Variants in OCA2 observed in about 807,000 individuals in gnomAD.
OCA2 encodes OCA2 melanosomal transmembrane protein.
OCA2 carries 77 observed loss-of-function variants against 100.2 expected under a neutral mutation model. The ratio of observed to expected loss-of-function variants is 0.77; its 90% CI spans 0.64 to 0.93. OCA2 has a LOEUF of 0.93. Ranked by LOEUF, OCA2 falls within the 40% of genes least tolerant of loss-of-function variation. The pLI, the probability that OCA2 is intolerant of heterozygous loss-of-function variation, is 0.00. For synonymous variants in OCA2, 432 were observed against 439.2 expected (o/e 0.98, Z 0.21); for missense variants, 1,062 against 1,089.1 (o/e 0.98, Z 0.35).
intron 11 of OCA2, among the ~76,000 whole-genome samples, chr15:27,988,770 C>T (rs2141005358): frequency 6.6e-6 from 1 of 152,262 alleles, no homozygotes; most frequent in African/African-American, 2.4e-5. Context: ...CTGTATACGT[C>T]TCAGGCCCGA....
the OCA2 span, among the ~76,000 whole-genome samples, chr15:27,742,776 A>C: frequency 6.6e-6 from 1 of 152,192 alleles, no homozygotes; most frequent in South Asian, 2.1e-4. Flanking sequence ...GCGTTAGTCC[A>C]CACACAGCTT....
chr15:27,918,941 GGT>G (rs1286670660), intron 19 of OCA2, among the ~76,000 whole-genome samples: 2 of 152,102 alleles, frequency 1.3e-5, no homozygotes, highest in African/African-American at 4.8e-5. Context: ...TAATTGCCTA[GGT>G]TAGTACAGAT....
intron 18 of OCA2, among the ~76,000 whole-genome samples, chr15:27,935,361 C>T (rs1021425943): frequency 1.3e-5 from 2 of 152,180 alleles, no homozygotes; most frequent in Non-Finnish European, 2.9e-5. Context: ...TGGCTCTGTA[C>T]TTTCATTTGT....
chr15:28,016,447 ACAAAAGGC>A (rs1368607406), intron 7 of OCA2, among the ~76,000 whole-genome samples: 2 of 152,358 alleles, frequency 1.3e-5, no homozygotes, highest in Non-Finnish European at 2.9e-5. Flanking sequence ...GTACAAAAGT[ACAAAAGGC>A]ATAGAAGTAA....
intron 23 of OCA2, among the ~76,000 whole-genome samples, chr15:27,814,941 TAG>T (rs2034234509): frequency 2.0e-4 from 17 of 85,566 alleles, no homozygotes; most frequent in South Asian, 1.4e-3. Flanking sequence ...GATAGATAGA[TAG>T]ATACAGAGAT....
chr15:27,925,804 C>A (rs2594927), intron 19 of OCA2, among the ~76,000 whole-genome samples: 6,708 of 152,238 alleles, frequency 0.044, 515 homozygotes, highest in African/African-American at 0.15. Flanking sequence ...GGTCACACTA[C>A]CTCCTAAACT....
rs1490873778 is a variant in OCA2 at position 27,989,757 on chromosome 15, C to T, written c.1117-91G>A. ...AGCGCTGCCCCCTGCTGCAGACCCA[C>T]TCAGTGGGCGGGCCAGGGTTGGAAA... On this transcript the variant is annotated intron_variant, in intron 10 of 23. Coordinates refer to ENST00000354638, the MANE Select transcript of OCA2 (RefSeq NM_000275.3). 4 of 1,165,060 alleles carry T rather than the reference C, an allele frequency of 3.4e-6. No individual in the cohort carries two copies. The Admixed American group carries it at 7.7e-5, about 22-fold the overall frequency. The allele number at this position is 1,165,060 out of a possible 1,614,324, so 72.2% of individuals were successfully genotyped here.
intron 2 of OCA2, among the ~76,000 whole-genome samples, chr15:28,053,776 A>G (rs2043592590): frequency 6.6e-6 from 1 of 152,196 alleles, no homozygotes; most frequent in African/African-American, 2.4e-5. Context: ...TTGTCTCACG[A>G]TGCTCAGCGC....
intron 23 of OCA2, among the ~76,000 whole-genome samples, chr15:27,783,602 C>T (rs2032655833): frequency 6.6e-6 from 1 of 152,194 alleles, no homozygotes; most frequent in Non-Finnish European, 1.5e-5. Context: ...ATACCCCAGA[C>T]ACCACTATGA....
At chr15:28,069,463 GC>G (rs1356478332) in intron 2 of OCA2, among the ~76,000 whole-genome samples, 1 of 113,712 alleles carries the variant, frequency 8.8e-6, no homozygotes, top group African/African-American at 4.0e-5. Flanking sequence ...CTCATGCGGG[GC>G]CGAAGCTGGA....
chr15:28,074,045 C>A (rs2044349220), intron 2 of OCA2, among the ~76,000 whole-genome samples: 1 of 151,828 alleles, frequency 6.6e-6, no homozygotes, highest in Non-Finnish European at 1.5e-5. Flanking sequence ...AAAAAAAAAT[C>A]CCAGCAGGAA....
intron 10 of OCA2, among the ~76,000 whole-genome samples, chr15:27,990,320 C>T (rs1278690845): frequency 6.6e-6 from 1 of 152,228 alleles, no homozygotes; most frequent in Non-Finnish European, 1.5e-5. Context: ...CCTAGGCAAA[C>T]ATGCCCATGA....
intron 18 of OCA2, among the ~76,000 whole-genome samples, chr15:27,945,976 T>A (rs2039818475): frequency 1.3e-5 from 2 of 152,168 alleles, no homozygotes; most frequent in African/African-American, 4.8e-5. Context: ...TTCTATATAT[T>A]TTGATGTAAA....
chr15:27,983,782 A>C (rs2041251441), intron 13 of OCA2, among the ~76,000 whole-genome samples: 1 of 152,000 alleles, frequency 6.6e-6, no homozygotes, highest in Non-Finnish European at 1.5e-5. Flanking sequence ...CCCCCAGGGC[A>C]GGGCAGGCCC....
intron 7 of OCA2, among the ~76,000 whole-genome samples, chr15:28,018,093 A>G (rs2042459359): frequency 6.7e-6 from 1 of 149,884 alleles, no homozygotes; most frequent in African/African-American, 2.5e-5. Flanking sequence ...CACTTCAACG[A>G]CACCAAAAAA....
At chr15:27,928,566 G>A (rs188442945) in intron 18 of OCA2, among the ~76,000 whole-genome samples, 231 of 152,242 alleles carry the variant, frequency 1.5e-3, no homozygotes, top group African/African-American at 5.3e-3. Flanking sequence ...CTCTAGGGGA[G>A]GATTTGTTTC....
At chr15:27,845,668 A>C (rs2035505014) in intron 22 of OCA2, among the ~76,000 whole-genome samples, 2 of 151,502 alleles carry the variant, frequency 1.3e-5, no homozygotes, top group Non-Finnish European at 1.5e-5. Context: ...CCCCACACAC[A>C]CTCACACCCA....
intron 1 of OCA2, among the ~76,000 whole-genome samples, chr15:28,088,149 T>C (rs1452661329): frequency 6.6e-6 from 1 of 152,230 alleles, no homozygotes; most frequent in Non-Finnish European, 1.5e-5. Context: ...AAGTGCTTAA[T>C]GGAAATAATT....
At chr15:28,048,490 G>A (rs1027449576) in intron 2 of OCA2, among the ~76,000 whole-genome samples, 14 of 152,042 alleles carry the variant, frequency 9.2e-5, no homozygotes, top group African/African-American at 2.7e-4. Context: ...AAATTTCCAC[G>A]TGCAAAAGAA....
Sources: gnomAD v4.1 joint callset for allele counts (sites outside exome capture counted in the v4.1 genomes callset) on GRCh38, gnomAD v4.1.1 for gene constraint, MANE v1.5 for transcripts, NCBI Gene and HGNC (gene_info 2026-07-23, HGNC 2026-07-21) for gene names.